Variants in TASP1 observed in about 807,000 individuals in gnomAD.
The protein encoded by TASP1 is taspase 1.
TASP1 carries 16 observed loss-of-function variants against 56.6 expected under a neutral mutation model. The ratio of observed to expected loss-of-function variants is 0.28; its 90% CI spans 0.19 to 0.43. The LOEUF is 0.43. Among genes scored for constraint, TASP1 ranks in the 20% least tolerant of loss-of-function variants. TASP1 has a pLI of 1.00. For missense variants in TASP1, 393 were observed against 511.6 expected (o/e 0.77, Z 2.24); for synonymous variants, 179 against 184.2 (o/e 0.97, Z 0.23).
the TASP1 span, among the ~76,000 whole-genome samples, chr20:13,324,762 T>C: frequency 6.6e-6 from 1 of 152,216 alleles, no homozygotes; most frequent in South Asian, 2.1e-4. Flanking sequence ...CTAGCACCAC[T>C]ACAGAAAGCA....
chr20:13,504,141 T>C (rs1278578256), intron 10 of TASP1, among the ~76,000 whole-genome samples: 1 of 151,950 alleles, frequency 6.6e-6, no homozygotes, highest in East Asian at 1.9e-4. Flanking sequence ...ACATACTTCA[T>C]CAAGATACAT....
Position 13,417,443 on chromosome 20 carries a change from C to A in TASP1, c.1170+5G>T. The A allele has an allele frequency of 6.2e-7, 1 of 1,613,754 alleles. No homozygotes were observed. The highest frequency in any genetic ancestry group is 8.5e-7 in the Non-Finnish European group (1 of 1,179,880). On this transcript the variant is annotated splice_donor_5th_base_variant and intron_variant, in intron 13 of 13. Transcript: ENST00000337743. ...TTCAGGTTATGACCGTTTTTTCCCA[C>A]TTACCTTGGCTTTCCCATCCTGGGC...
At chr20:13,565,844 G>A (rs757125392) in intron 7 of TASP1, among the ~76,000 whole-genome samples, 5 of 151,918 alleles carry the variant, frequency 3.3e-5, no homozygotes, top group South Asian at 4.2e-4. Context: ...ATTCCATTTC[G>A]GGGTACCCAA....
chr20:13,240,743 A>T, the TASP1 span, among the ~76,000 whole-genome samples: 5 of 152,196 alleles, frequency 3.3e-5, no homozygotes, highest in Admixed American at 3.3e-4. Context: ...GTAAGAGGTG[A>T]TGGGATGTGG....
At chr20:13,123,879 G>A in the TASP1 span, among the ~76,000 whole-genome samples, 1 of 146,448 alleles carries the variant, frequency 6.8e-6, no homozygotes, top group African/African-American at 2.5e-5. Context: ...GGCTTCCCCA[G>A]CATCCTGTAG....
At chr20:13,392,667 C>A in intron 13 of TASP1, 1 of 494,172 alleles carries the variant, frequency 2.0e-6, no homozygotes. Context: ...GCAGTGCTAG[C>A]CACATCCCTG....
chr20:13,262,313 A>G, the TASP1 span, among the ~76,000 whole-genome samples: 1 of 152,170 alleles, frequency 6.6e-6, no homozygotes, highest in African/African-American at 2.4e-5. Context: ...TGGAAGGCTG[A>G]TAGAAAGCCT....
the TASP1 span, among the ~76,000 whole-genome samples, chr20:13,104,933 C>T: frequency 6.6e-6 from 1 of 152,006 alleles, no homozygotes; most frequent in Admixed American, 6.6e-5. Context: ...ACCTAACAGT[C>T]CTTCCCTACT....
chr20:13,232,985 T>TC, the TASP1 span, among the ~76,000 whole-genome samples: 1 of 151,452 alleles, frequency 6.6e-6, no homozygotes, highest in South Asian at 2.1e-4. Flanking sequence ...GTAGTGACCA[T>TC]CATGGTGGGG....
the TASP1 span, among the ~76,000 whole-genome samples, chr20:13,355,225 T>C: frequency 2.0e-5 from 3 of 152,190 alleles, no homozygotes; most frequent in Non-Finnish European, 4.4e-5. Context: ...CTTGCTACTA[T>C]GGGGCATTTA....
At chr20:13,175,604 A>T in the TASP1 span, among the ~76,000 whole-genome samples, 6 of 152,346 alleles carry the variant, frequency 3.9e-5, no homozygotes, top group East Asian at 1.2e-3. Flanking sequence ...AAAAAAATTG[A>T]AGTACTCTGA....
chr20:13,299,072 C>A, the TASP1 span: 3 of 1,613,848 alleles, frequency 1.9e-6, no homozygotes, highest in Non-Finnish European at 2.5e-6. This position sits in a 1 kb window ranked among gnomAD's most constrained non-coding sequence, Gnocchi z 5.8. Context: ...GCACGGCCGA[C>A]ATCTTCGACC....
chr20:13,299,224 A>ACGG, the TASP1 span: 2 of 1,600,866 alleles, frequency 1.2e-6, no homozygotes, highest in East Asian at 4.5e-5. This position sits in a 1 kb window ranked among gnomAD's most constrained non-coding sequence, Gnocchi z 5.8. Context: ...CACTGCTGCT[A>ACGG]CGGCGACAAC....
rs192376369 is a variant in TASP1, at chr20:13,547,144, A to G, written c.675+11864T>C. Among the ~76,000 whole-genome samples, 363 of 152,344 alleles carry G rather than the reference A, an allele frequency of 2.4e-3. 1 individual carries two copies. The highest frequency in any genetic ancestry group is 3.8e-3 in the Non-Finnish European group (261 of 68,038). ...TTTCTAGAGACTGTGATAAGGATAA[A>G]GTAACAAAATGCTCACGCTTCTATG... On this transcript the variant is annotated intron_variant, in intron 8 of 13. Coordinates refer to ENST00000337743, the MANE Select transcript of TASP1 (RefSeq NM_017714.3).
At chr20:13,216,051 T>C in the TASP1 span, among the ~76,000 whole-genome samples, 1 of 152,228 alleles carries the variant, frequency 6.6e-6, no homozygotes, top group Non-Finnish European at 1.5e-5. Context: ...GCTCCAAATT[T>C]CAGCAGTTTT....
intron 10 of TASP1, among the ~76,000 whole-genome samples, chr20:13,515,377 A>G (rs2044483241): frequency 6.6e-6 from 1 of 151,978 alleles, no homozygotes; most frequent in Non-Finnish European, 1.5e-5. Context: ...GGTGTTGCAC[A>G]GCACCACTTT....
chr20:13,242,844 A>G, the TASP1 span, among the ~76,000 whole-genome samples: 1 of 152,248 alleles, frequency 6.6e-6, no homozygotes, highest in Non-Finnish European at 1.5e-5. Flanking sequence ...GTAGTTATAC[A>G]GATTTCACCT....
chr20:13,176,298 G>A, the TASP1 span, among the ~76,000 whole-genome samples: 1 of 152,186 alleles, frequency 6.6e-6, no homozygotes, highest in African/African-American at 2.4e-5. Flanking sequence ...TAAGAGTGGT[G>A]AGAGTGGGCA....
intron 11 of TASP1, among the ~76,000 whole-genome samples, chr20:13,482,398 G>A (rs776914555): frequency 6.6e-6 from 1 of 152,076 alleles, no homozygotes; most frequent in Non-Finnish European, 1.5e-5. Flanking sequence ...TGGGTCTTTT[G>A]CGAGTCCACA....
Sources: allele counts gnomAD v4.1 joint callset (sites outside exome capture counted in the v4.1 genomes callset), GRCh38; gene constraint gnomAD v4.1.1; non-coding constraint Gnocchi (gnomAD v3.1); transcripts MANE v1.5; gene names NCBI Gene and HGNC (gene_info 2026-07-23, HGNC 2026-07-21).